GATAD2B: variants seen among roughly 807,000 people sequenced by gnomAD.
GATAD2B encodes the protein GATA zinc finger domain containing 2B.
Under a neutral mutation model 64.3 loss-of-function variants are expected in GATAD2B, and 8 were observed. The observed-to-expected ratio is 0.12, with a 90% CI of 0.07 to 0.22. GATAD2B has a LOEUF of 0.22. Among genes scored for constraint, GATAD2B ranks in the 10% least tolerant of loss-of-function variants. The probability of loss-of-function intolerance (pLI) is 1.00; values close to 1 mark genes in which losing one functional copy is unlikely to be tolerated. For missense variants in GATAD2B, 453 were observed against 752.0 expected, an observed-to-expected ratio of 0.60 and a Z score of 4.65; for synonymous variants, 281 against 271.3, an observed-to-expected ratio of 1.04 and a Z score of -0.35.
At chr1:153,862,972 C>A (rs150373656) in intron 1 of GATAD2B, among the ~76,000 whole-genome samples, 1,992 of 150,240 alleles carry the variant, frequency 0.013, 58 homozygotes, top group African/African-American at 0.045. Flanking sequence ...GATCTGCCCA[C>A]CTCGGCCTCC....
chr1:153,903,970 T>A (rs1571003372), intron 1 of GATAD2B, among the ~76,000 whole-genome samples: 2 of 151,948 alleles, frequency 1.3e-5, no homozygotes, highest in Non-Finnish European at 2.9e-5. Context: ...GGCAACAGCA[T>A]GAGACCTTGT....
chr1:153,863,397 G>A (rs1434721811), intron 1 of GATAD2B, among the ~76,000 whole-genome samples: 1 of 151,684 alleles, frequency 6.6e-6, no homozygotes. Flanking sequence ...TTGGGAGGCT[G>A]AGGCAGGAGA....
At chr1:153,815,303 A>AAG (rs1674439584) in intron 7 of GATAD2B, among the ~76,000 whole-genome samples, 12 of 148,806 alleles carry the variant, frequency 8.1e-5, no homozygotes, top group African/African-American at 1.2e-4. Context: ...CAAAAAAAAA[A>AAG]AAAAGAAAAG....
chr1:153,922,506 G>A (rs1166942744), intron 1 of GATAD2B, among the ~76,000 whole-genome samples: 1 of 144,768 alleles, frequency 6.9e-6, no homozygotes, highest in Non-Finnish European at 1.5e-5. Flanking sequence ...AGGTGAAGAA[G>A]GAGCGCGAGG....
chr1:153,905,768 CAAACA>C (rs1224552883), intron 1 of GATAD2B, among the ~76,000 whole-genome samples: 1 of 116,124 alleles, frequency 8.6e-6, no homozygotes, highest in Non-Finnish European at 1.7e-5. Context: ...ACCAGTCTCT[CAAACA>C]AAAAAAAAAA....
intron 1 of GATAD2B, among the ~76,000 whole-genome samples, chr1:153,885,216 G>A (rs942978471): frequency 2.0e-5 from 3 of 152,032 alleles, no homozygotes; most frequent in Non-Finnish European, 4.4e-5. Context: ...CAAAAGCCCA[G>A]TTCTCCAGGG....
rs528832682 is a variant in GATAD2B at position 153,825,356 on chromosome 1, T to C, written c.335+2657A>G. Among the ~76,000 whole-genome samples the C allele has an allele frequency of 4.6e-5, 7 of 152,330 alleles. No homozygotes were observed. The East Asian group carries it at 1.2e-3, about 25-fold the overall frequency. ...CACTACCTATAACTTACAAGTATTT[T>C]TCTCCTCTTCCAGGACCTCTAGGGA... On this transcript the variant is annotated intron_variant, in intron 2 of 10. Coordinates refer to ENST00000368655, the MANE Select transcript of GATAD2B (RefSeq NM_020699.4).
chr1:153,913,869 G>A (rs145534566), intron 1 of GATAD2B, among the ~76,000 whole-genome samples: 2,276 of 149,884 alleles, frequency 0.015, 30 homozygotes, highest in Middle Eastern at 0.028. Flanking sequence ...GCAGTGAGCC[G>A]AGATCGTGCC....
intron 1 of GATAD2B, among the ~76,000 whole-genome samples, chr1:153,867,102 T>C (rs1418688295): frequency 1.3e-5 from 2 of 152,080 alleles, no homozygotes; most frequent in Non-Finnish European, 2.9e-5. Flanking sequence ...TTTATAGGAT[T>C]ACCTTAGAGG....
At chr1:153,919,974 G>A (rs1678382335) in intron 1 of GATAD2B, among the ~76,000 whole-genome samples, 1 of 152,158 alleles carries the variant, frequency 6.6e-6, no homozygotes, top group African/African-American at 2.4e-5. Flanking sequence ...ACCAAAGCTG[G>A]TTGGCTTTTC....
intron 1 of GATAD2B, among the ~76,000 whole-genome samples, chr1:153,896,819 CTA>C (rs1677609853): frequency 6.6e-6 from 1 of 152,038 alleles, no homozygotes; most frequent in Non-Finnish European, 1.5e-5. Context: ...GGAGATCATG[CTA>C]TATTCTGCTA....
chr1:153,814,165 T>C (rs1450904523), intron 7 of GATAD2B, among the ~76,000 whole-genome samples: 1 of 152,240 alleles, frequency 6.6e-6, no homozygotes, highest in Non-Finnish European at 1.5e-5. Flanking sequence ...TCATATACAT[T>C]TATAGTTTTA....
At chr1:153,850,731 G>GCCAA (rs1675857259) in intron 1 of GATAD2B, among the ~76,000 whole-genome samples, 1 of 152,018 alleles carries the variant, frequency 6.6e-6, no homozygotes, top group Non-Finnish European at 1.5e-5. Context: ...GACCAGCCTG[G>GCCAA]CCAACATAGT....
chr1:153,913,703 G>C (rs976901017), intron 1 of GATAD2B, among the ~76,000 whole-genome samples: 1 of 152,060 alleles, frequency 6.6e-6, no homozygotes, highest in African/African-American at 2.4e-5. Flanking sequence ...CAGATCACGA[G>C]GTCAGGAGAT....
rs1675980704 is a variant in GATAD2B, at chr1:153,853,491, G to A, written c.-1-25143C>T. ...ATATACATATATTTTTTGCTACTGAGTTGTATGAGTTCCTTACATATGTTG... is the reference window on the plus strand; with the variant it reads ...ATATACATATATTTTTTGCTACTGAATTGTATGAGTTCCTTACATATGTTG... On this transcript the variant is annotated intron_variant, in intron 1 of 10. Transcript: ENST00000368655. The A allele has an allele frequency of 7.7e-6, 3 of 390,730 alleles. No homozygotes were observed. In the East Asian group the frequency reaches 1.5e-4, roughly 19 times the overall value. The allele number at this position is 390,730 out of a possible 1,614,324, so 24.2% of individuals were successfully genotyped here.
intron 1 of GATAD2B, among the ~76,000 whole-genome samples, chr1:153,915,574 G>A (rs974995649): frequency 1.6e-4 from 25 of 151,716 alleles, no homozygotes; most frequent in Admixed American, 3.3e-4. Flanking sequence ...AAAAAGAACT[G>A]TATTTCAAAA....
At chr1:153,908,797 A>AG (rs1283355718) in intron 1 of GATAD2B, among the ~76,000 whole-genome samples, 135 of 151,440 alleles carry the variant, frequency 8.9e-4, no homozygotes, top group African/African-American at 2.8e-3. Context: ...AAAAAAAAAA[A>AG]AAAAAGAAAG....
chr1:153,818,905 C>A lies in GATAD2B; in HGVS notation c.483G>T (p.Glu161Asp). The change falls in exon 4 of 11, where the codon GAG becomes GAT. Residue 161 changes from glutamate (E) to aspartate (D), a missense_variant. By Grantham distance (45) the Glu-to-Asp change is conservative (BLOSUM62 2). Transcript: ENST00000368655. ...LEMFKGKGIEERQQLIKQLRD... is the reference protein window; with the variant it reads ...LEMFKGKGIEDRQQLIKQLRD... ...TCAGCTGCTTGATAAGCTGCTGCCGCTCCTCAATGCCTTTCCCCTAAGGAA... is the reference window on the plus strand; with the variant it reads ...TCAGCTGCTTGATAAGCTGCTGCCGATCCTCAATGCCTTTCCCCTAAGGAA... The A allele has an allele frequency of 6.2e-7, 1 of 1,611,360 alleles. No individual in the cohort carries two copies. Among genetic ancestry groups the A allele is most frequent in the Non-Finnish European group, 8.5e-7 (1 of 1,179,960 alleles).
chr1:153,892,284 A>G (rs1418768745), intron 1 of GATAD2B, among the ~76,000 whole-genome samples: 1 of 152,134 alleles, frequency 6.6e-6, no homozygotes, highest in Non-Finnish European at 1.5e-5. Context: ...CAAGACTATT[A>G]TAGTATATAG....
Sources: allele counts gnomAD v4.1 joint callset (sites outside exome capture counted in the v4.1 genomes callset), GRCh38; gene constraint gnomAD v4.1.1; transcripts MANE v1.5; gene names NCBI Gene and HGNC (gene_info 2026-07-23, HGNC 2026-07-21).